Variants in INO80D observed in about 807,000 individuals in gnomAD.
INO80D encodes the protein INO80 complex subunit D.
Under a neutral mutation model 87.6 loss-of-function variants are expected in INO80D, and 21 were observed. The ratio of observed to expected loss-of-function variants is 0.24; its 90% CI spans 0.17 to 0.35. The LOEUF is 0.35. Ranked by LOEUF, INO80D falls within the 10% of genes least tolerant of loss-of-function variation. INO80D has a pLI of 1.00. For missense variants in INO80D, 982 were observed against 1,280.7 expected, an observed-to-expected ratio of 0.77 and a Z score of 3.56; for synonymous variants, 440 against 491.0, an observed-to-expected ratio of 0.90 and a Z score of 1.37.
intron 10 of INO80D, 90 bp downstream of exon 10, chr2:206,007,194 G>C (rs1688049788): frequency 1.8e-6 from 2 of 1,094,854 alleles, no homozygotes; most frequent in African/African-American, 3.2e-5. Context: ...ATGTGAGGAG[G>C]AATATGATAA....
rs1224173061 is a variant in INO80D at position 206,003,315 on chromosome 2, AGTT to A, written c.*1050_*1052del. ...TTCAAAAGCAAAAGATGGATCAAGG[AGTT>A]GACAGATCCCATCTTTTCAAATCTA... is the stretch of plus-strand genomic sequence containing the variant. On this transcript the variant is annotated 3_prime_UTR_variant, in exon 11 of 11. Coordinates refer to ENST00000403263, the MANE Select transcript of INO80D (RefSeq NM_017759.5). 1 of 152,224 alleles carries A rather than the reference AGTT, an allele frequency of 6.6e-6. No individual in the cohort carries two copies. Among genetic ancestry groups the A allele is most frequent in the African/African-American group, 2.4e-5 (1 of 41,468 alleles). 9.4% of individuals were successfully genotyped at this position (152,224 alleles called of 1,614,324 possible). A position where few individuals can be genotyped will look rare whatever the true frequency, so the allele number is the denominator to read the frequency against.
chr2:206,044,673 T>C (rs1437880663), intron 5 of INO80D, among the ~76,000 whole-genome samples: 1 of 152,124 alleles, frequency 6.6e-6, no homozygotes, highest in South Asian at 2.1e-4. Flanking sequence ...TCTGCAAGAA[T>C]AGAAGGCAGA....
intron 5 of INO80D, among the ~76,000 whole-genome samples, chr2:206,031,707 A>C (rs1017845254): frequency 3.9e-5 from 6 of 152,178 alleles, no homozygotes; most frequent in Non-Finnish European, 7.3e-5. Context: ...TGCAGCTCCA[A>C]CTCGGACAGA....
At chr2:206,041,507 C>A (rs1205598771) in intron 5 of INO80D, among the ~76,000 whole-genome samples, 1 of 152,272 alleles carries the variant, frequency 6.6e-6, no homozygotes, top group East Asian at 1.9e-4. Context: ...TTCATCAAAA[C>A]AATCTTAAAC....
chr2:206,077,304 C>T (rs1265336866), intron 1 of INO80D, among the ~76,000 whole-genome samples: 1 of 150,716 alleles, frequency 6.6e-6, no homozygotes, highest in Non-Finnish European at 1.5e-5. Flanking sequence ...CGCGCCACTG[C>T]ACTCCAGCCT....
intron 8 of INO80D, among the ~76,000 whole-genome samples, chr2:206,014,717 A>G (rs1402563158): frequency 6.6e-6 from 1 of 152,136 alleles, no homozygotes; most frequent in Non-Finnish European, 1.5e-5. Flanking sequence ...TGGTACCAGT[A>G]GAGTGGGGTG....
At chr2:206,009,906 G>A (rs1688125267) in intron 8 of INO80D, 112 bp from the exon 9 acceptor site, 1 of 781,110 alleles carries the variant, frequency 1.3e-6, no homozygotes, top group Non-Finnish European at 2.0e-6. Flanking sequence ...AAAACATACT[G>A]GATGCCCAAA....
chr2:206,039,683 G>A (rs2105852484), intron 5 of INO80D, among the ~76,000 whole-genome samples: 1 of 151,232 alleles, frequency 6.6e-6, no homozygotes, highest in East Asian at 2.0e-4. Flanking sequence ...GGTGGCGCAT[G>A]CCTGTAATCC....
chr2:206,079,938 G>C (rs1690228595), intron 1 of INO80D, among the ~76,000 whole-genome samples: 1 of 152,124 alleles, frequency 6.6e-6, no homozygotes, highest in African/African-American at 2.4e-5. Context: ...ACACCTTATG[G>C]AATGCCGAAC....
At chr2:206,045,394 T>C (rs777506600) in intron 5 of INO80D, among the ~76,000 whole-genome samples, 5 of 152,208 alleles carry the variant, frequency 3.3e-5, no homozygotes, top group South Asian at 4.1e-4. Context: ...TCCCTCTACA[T>C]TGCTGAATAT....
At chr2:206,081,104 C>T (rs562481850) in intron 1 of INO80D, among the ~76,000 whole-genome samples, 98 of 151,980 alleles carry the variant, frequency 6.4e-4, no homozygotes, top group Non-Finnish European at 5.0e-4. Flanking sequence ...CTTTTACAGA[C>T]GAAGAAAACT....
At chr2:206,022,465 C>A (rs6747107) in intron 6 of INO80D, among the ~76,000 whole-genome samples, 1 of 151,822 alleles carries the variant, frequency 6.6e-6, no homozygotes, top group Non-Finnish European at 1.5e-5. Context: ...AGGGAATTAC[C>A]AAAACTTTTT....
Position 206,003,990 on chromosome 2 carries a change from TG to T in INO80D, c.*377del. ...AGATCATTCTATCTAGAACCACCTA[TG>T]TAAAAACCTGGCAACAGAATGGAAA... On this transcript the variant is annotated 3_prime_UTR_variant, in exon 11 of 11. Coordinates refer to ENST00000403263, the MANE Select transcript of INO80D (RefSeq NM_017759.5). 1 of 242,238 alleles carries T rather than the reference TG, an allele frequency of 4.1e-6. No individual in the cohort carries two copies. The highest frequency in any genetic ancestry group is 8.2e-6 in the Non-Finnish European group (1 of 122,594). The allele number at this position is 242,238 out of a possible 1,614,324, so 15.0% of individuals were successfully genotyped here.
intron 6 of INO80D, among the ~76,000 whole-genome samples, chr2:206,027,519 C>T (rs1688649169): frequency 1.3e-5 from 2 of 152,008 alleles, no homozygotes; most frequent in South Asian, 2.1e-4. Flanking sequence ...GGCAATACAG[C>T]GAGACCCTCA....
chr2:206,076,981 C>G (rs1000345622), intron 1 of INO80D, among the ~76,000 whole-genome samples: 1 of 152,170 alleles, frequency 6.6e-6, no homozygotes, highest in Non-Finnish European at 1.5e-5. Context: ...TTAATATTAA[C>G]TACCATTAGA....
At chr2:206,013,358 C>T (rs1688230417) in intron 8 of INO80D, among the ~76,000 whole-genome samples, 2 of 152,018 alleles carry the variant, frequency 1.3e-5, no homozygotes, top group South Asian at 4.1e-4. Flanking sequence ...TCGAGATCTT[C>T]CTGGCTAACA....
rs200441412 is a variant in INO80D at position 206,005,089 on chromosome 2, T to C, written c.2363A>G (p.His788Arg). ...RAFPGQFHGLHDGSHASQRPH... is the reference protein window; with the variant it reads ...RAFPGQFHGLRDGSHASQRPH... ...CCTCTGGGAGGCATGGCTGCCGTCA[T>C]GAAGTCCATGAAACTGTCCTGGGAA... is the stretch of plus-strand genomic sequence containing the variant. Residue 788 changes from histidine (H) to arginine (R), a missense_variant, in exon 11 of 11, where the codon CAT (histidine) becomes CGT (arginine). By Grantham distance (29) the His-to-Arg change is conservative. Transcript: ENST00000403263. 35 of 1,613,950 alleles carry C rather than the reference T, an allele frequency of 2.2e-5. No individual in the cohort carries two copies. In the African/African-American group the frequency reaches 3.5e-4, roughly 16 times the overall value.
intron 1 of INO80D, among the ~76,000 whole-genome samples, chr2:206,080,720 A>C (rs111240332): frequency 5.3e-5 from 8 of 152,056 alleles, no homozygotes; most frequent in African/African-American, 1.2e-4. Flanking sequence ...ATCCTGGCTA[A>C]CACGGTGAAA....
chr2:206,003,985 AC>A lies in INO80D; in HGVS notation c.*382del. 8.5e-6 allele frequency: 2 copies of A among 234,896 alleles called. No individual in the cohort carries two copies. Among genetic ancestry groups the A allele is most frequent in the Non-Finnish European group, 8.5e-6 (1 of 118,090 alleles). The allele number at this position is 234,896 out of a possible 1,614,324, so 14.6% of individuals were successfully genotyped here. On this transcript the variant is annotated 3_prime_UTR_variant, in exon 11 of 11. Coordinates refer to ENST00000403263, the MANE Select transcript of INO80D (RefSeq NM_017759.5). ...TAATAAGATCATTCTATCTAGAACC[AC>A]CTATGTAAAAACCTGGCAACAGAAT...
Sources: allele counts gnomAD v4.1 joint callset (sites outside exome capture counted in the v4.1 genomes callset), GRCh38; gene constraint gnomAD v4.1.1; transcripts MANE v1.5; gene names NCBI Gene and HGNC (gene_info 2026-07-23, HGNC 2026-07-21).